The following METTL8 variants were observed in gnomAD, a reference collection of about 807,000 sequenced individuals.
The protein encoded by METTL8 is methyltransferase 8, tRNA N3-cytidine.
Under a neutral mutation model 48.7 loss-of-function variants are expected in METTL8, and 32 were observed. The ratio of observed to expected loss-of-function variants is 0.66; its 90% CI spans 0.50 to 0.88. The LOEUF (loss-of-function observed/expected upper bound fraction) is 0.88, where lower values mean the gene tolerates loss of function less well. Ranked by LOEUF, METTL8 falls within the 40% of genes least tolerant of loss-of-function variation. The probability of loss-of-function intolerance (pLI) is 0.00; values close to 1 mark genes in which losing one functional copy is unlikely to be tolerated. For synonymous variants in METTL8, 136 were observed against 157.1 expected (o/e 0.87, Z 1.01); for missense variants, 464 against 474.4 (o/e 0.98, Z 0.20).
chr2:171,331,751 T>A, intron 6 of METTL8, 53 bp downstream of exon 6: 1 of 1,366,510 alleles, frequency 7.3e-7, no homozygotes, highest in Non-Finnish European at 1.0e-6. Flanking sequence ...ACTTTTATTG[T>A]TCTGGGGTAA....
At chr2:171,332,017 C>T in intron 5 of METTL8, 150 bp from the exon 6 acceptor site, 1 of 569,014 alleles carries the variant, frequency 1.8e-6, no homozygotes, top group East Asian at 3.1e-5. Context: ...TTCTGAGTAG[C>T]TAGGACTACA....
chr2:171,405,684 T>G (rs545966355), intron 1 of METTL8, among the ~76,000 whole-genome samples: 7 of 152,166 alleles, frequency 4.6e-5, no homozygotes, highest in African/African-American at 9.6e-5. Flanking sequence ...AGACTGAAGA[T>G]ACTGAAAAAA....
chr2:171,399,273 G>A (rs1558962), intron 1 of METTL8, among the ~76,000 whole-genome samples: 151,979 of 152,294 alleles, frequency 1, 75,832 homozygotes, highest in Middle Eastern at 1. Context: ...TTCAAGTATT[G>A]GATTGACAGT....
intron 1 of METTL8, among the ~76,000 whole-genome samples, chr2:171,404,528 T>G (rs1689990527): frequency 6.6e-6 from 1 of 152,154 alleles, no homozygotes; most frequent in South Asian, 2.1e-4. Context: ...ATCATGCTAT[T>G]CAGAATGGCA....
chr2:171,421,833 A>G (rs917508398), intron 1 of METTL8, among the ~76,000 whole-genome samples: 1 of 152,146 alleles, frequency 6.6e-6, no homozygotes, highest in African/African-American at 2.4e-5. Context: ...GCATCCTGGA[A>G]CCAATCTCCC....
chr2:171,344,060 T>G (rs1299158874), intron 3 of METTL8, among the ~76,000 whole-genome samples: 1 of 152,164 alleles, frequency 6.6e-6, no homozygotes, highest in Non-Finnish European at 1.5e-5. Context: ...TATTTCCCAC[T>G]CAGGAATTAG....
chr2:171,358,217 G>C lies in METTL8; in HGVS notation c.235+2205C>G, dbSNP rs371665240. On this transcript the variant is annotated intron_variant, in intron 3 of 9. Transcript: ENST00000375258. ...AATACAAACATTAGCTGGGTGTGGT[G>C]GTGGGCACCTGTAATCCCAGCTAAT... 4.6e-5 allele frequency among the ~76,000 whole-genome samples: 7 copies of C among 152,020 alleles called. No homozygotes were observed. In the East Asian group the frequency reaches 9.7e-4, roughly 21 times the overall value.
At chr2:171,350,260 G>T (rs1683754254) in intron 3 of METTL8, among the ~76,000 whole-genome samples, 2 of 152,146 alleles carry the variant, frequency 1.3e-5, no homozygotes, top group Non-Finnish European at 1.5e-5. Context: ...ATGGTTTCCA[G>T]CTTCATCCAC....
At chr2:171,333,452 T>C (rs1685763289) in intron 5 of METTL8, among the ~76,000 whole-genome samples, 1 of 152,234 alleles carries the variant, frequency 6.6e-6, no homozygotes, top group African/African-American at 2.4e-5. Context: ...TAACATATAA[T>C]TCACTCATTC....
chr2:171,324,475 C>G, intron 9 of METTL8, 113 bp from the exon 10 acceptor site: 1 of 970,246 alleles, frequency 1.0e-6, no homozygotes, highest in Non-Finnish European at 1.5e-6. Context: ...ATACAAGAAA[C>G]ACTCTCTAGA....
chr2:171,385,439 T>G (rs929644010), intron 2 of METTL8, among the ~76,000 whole-genome samples: 1 of 152,088 alleles, frequency 6.6e-6, no homozygotes, highest in Non-Finnish European at 1.5e-5. Context: ...AATTTTGGAC[T>G]TGAAGGATGG....
chr2:171,374,990 G>T (rs1462980864), intron 2 of METTL8: 2 of 1,040,766 alleles, frequency 1.9e-6, no homozygotes, highest in East Asian at 2.4e-5. Flanking sequence ...CAGGGTGGGG[G>T]TGTTCGGTCT....
chr2:171,411,475 T>C (rs1690741706), intron 1 of METTL8, among the ~76,000 whole-genome samples: 1 of 152,100 alleles, frequency 6.6e-6, no homozygotes, highest in African/African-American at 2.4e-5. Context: ...GGAGATACAG[T>C]CAAAGCAAAT....
At chr2:171,418,839 C>T (rs373169187) in intron 1 of METTL8, among the ~76,000 whole-genome samples, 1 of 152,070 alleles carries the variant, frequency 6.6e-6, no homozygotes, top group South Asian at 2.1e-4. Context: ...CCTGTGGCCC[C>T]AGCTACTTGG....
chr2:171,339,850 CTAATTT>C (rs1686524373), intron 3 of METTL8, among the ~76,000 whole-genome samples: 1 of 152,162 alleles, frequency 6.6e-6, no homozygotes, highest in African/African-American at 2.4e-5. Context: ...AAACAACTTT[CTAATTT>C]TATCTTAACA....
chr2:171,375,240 C>CT, intron 2 of METTL8: 4 of 1,218,052 alleles, frequency 3.3e-6, no homozygotes, highest in Non-Finnish European at 4.8e-6. Flanking sequence ...GGCCGCGGCC[C>CT]TTTTTGGCAT....
chr2:171,346,578 G>C (rs148208033), intron 3 of METTL8, among the ~76,000 whole-genome samples: 27 of 152,272 alleles, frequency 1.8e-4, no homozygotes, highest in Admixed American at 2.6e-4. Flanking sequence ...CTTCCTCCCA[G>C]TTGCATTAAA....
chr2:171,395,968 CAATA>C (rs1198001413), intron 1 of METTL8, among the ~76,000 whole-genome samples: 1 of 152,128 alleles, frequency 6.6e-6, no homozygotes, highest in Non-Finnish European at 1.5e-5. Context: ...AAACAAGTCT[CAATA>C]AATAGATAAA....
At chr2:171,327,301 A>G (rs1685054206) in intron 7 of METTL8, among the ~76,000 whole-genome samples, 1 of 152,196 alleles carries the variant, frequency 6.6e-6, no homozygotes, top group South Asian at 2.1e-4. Context: ...TGGGCCAGGG[A>G]TGGCATAGAT....
Sources: allele counts gnomAD v4.1 joint callset (sites outside exome capture counted in the v4.1 genomes callset), GRCh38; gene constraint gnomAD v4.1.1; transcripts MANE v1.5; gene names NCBI Gene and HGNC (gene_info 2026-07-23, HGNC 2026-07-21).